BAIAP2L1: variants seen among roughly 807,000 people sequenced by gnomAD.
The protein encoded by BAIAP2L1 is BAR/IMD domain containing adaptor protein 2 like 1, also known as BAR/IMD domain-containing adapter protein 2-like 1.
BAIAP2L1 carries 35 observed loss-of-function variants against 66.3 expected under a neutral mutation model. The observed-to-expected ratio is 0.53, with a 90% CI of 0.40 to 0.70. The LOEUF (loss-of-function observed/expected upper bound fraction) is 0.70, where lower values mean the gene tolerates loss of function less well. Among genes scored for constraint, BAIAP2L1 ranks in the 30% least tolerant of loss-of-function variants. The pLI, the probability that BAIAP2L1 is intolerant of heterozygous loss-of-function variation, is 0.00. For synonymous variants in BAIAP2L1, 269 were observed against 248.7 expected (o/e 1.08, Z -0.77); for missense variants, 622 against 656.9 (o/e 0.95, Z 0.58).
intron 1 of BAIAP2L1, among the ~76,000 whole-genome samples, chr7:98,394,242 A>AAAACAAACAAACAAACAAACAAAC (rs58526170): frequency 8.0e-5 from 12 of 150,554 alleles, no homozygotes; most frequent in East Asian, 4.0e-4. Context: ...CTCCGTCTCA[A>AAAACAAACAAACAAACAAACAAAC]AAACAAACAA....
chr7:98,296,494 G>A (rs986513542), intron 12 of BAIAP2L1, among the ~76,000 whole-genome samples: 2 of 152,068 alleles, frequency 1.3e-5, no homozygotes, highest in Non-Finnish European at 2.9e-5. Flanking sequence ...GTGTGGTGGC[G>A]CACGCCGGTA....
intron 3 of BAIAP2L1, among the ~76,000 whole-genome samples, chr7:98,327,345 A>G (rs1411629764): frequency 6.7e-6 from 1 of 148,430 alleles, no homozygotes; most frequent in Non-Finnish European, 1.5e-5. Context: ...TAGGCAACAG[A>G]GCAAGACCTT....
intron 3 of BAIAP2L1, among the ~76,000 whole-genome samples, chr7:98,342,638 G>A (rs1801771170): frequency 1.3e-5 from 2 of 152,106 alleles, no homozygotes; most frequent in South Asian, 4.2e-4. Flanking sequence ...TTACATAATG[G>A]TGAGCTCTAA....
At chr7:98,386,264 T>C in intron 1 of BAIAP2L1, 1 of 1,593,458 alleles carries the variant, frequency 6.3e-7, no homozygotes, top group Non-Finnish European at 8.5e-7. Context: ...GAACACATTT[T>C]GTCACGGGTA....
chr7:98,294,048 A>C, intron 13 of BAIAP2L1, 26 bp downstream of exon 13: 1 of 1,612,158 alleles, frequency 6.2e-7, no homozygotes. Context: ...TCACACACTG[A>C]GGCTCACGTA....
chr7:98,309,540 CTG>C (rs1800795142), intron 9 of BAIAP2L1: 1 of 152,200 alleles, frequency 6.6e-6, no homozygotes, highest in Non-Finnish European at 1.5e-5. Context: ...CATACTTTAA[CTG>C]TGTATTTTAG....
In BAIAP2L1 at chr7:98,333,066, C is replaced by T. The variant is rs188324439; in HGVS notation, c.215-12768G>A. Among the ~76,000 whole-genome samples, 34 of 152,230 alleles carry T rather than the reference C, an allele frequency of 2.2e-4. No individual in the cohort carries two copies. In the East Asian group the frequency reaches 6.6e-3, roughly 29 times the overall value. Reference sequence around the variant, plus strand: ...CCAGCTCCCACTAGAATGTTCTCCCCAGACACCTGCCTGATGAGTTCCCCG... The same window carrying T: ...CCAGCTCCCACTAGAATGTTCTCCCTAGACACCTGCCTGATGAGTTCCCCG... On this transcript the variant is annotated intron_variant, in intron 3 of 13. Transcript: ENST00000005260.
At chr7:98,343,066 G>A (rs34370018) in intron 3 of BAIAP2L1, among the ~76,000 whole-genome samples, 33 of 151,788 alleles carry the variant, frequency 2.2e-4, no homozygotes, top group Non-Finnish European at 3.7e-4. Context: ...CTGTTGAGTG[G>A]CATGAATTTG....
chr7:98,398,416 A>G (rs1248238126), intron 1 of BAIAP2L1, among the ~76,000 whole-genome samples: 1 of 151,776 alleles, frequency 6.6e-6, no homozygotes, highest in East Asian at 1.9e-4. Context: ...AGCCTTCACT[A>G]TTTCATAGAT....
intron 2 of BAIAP2L1, 55 bp from the exon 3 acceptor site, chr7:98,355,183 C>T (rs2115693872): frequency 7.7e-7 from 1 of 1,295,206 alleles, no homozygotes; most frequent in Non-Finnish European, 1.1e-6. Flanking sequence ...AAGGAGGAAG[C>T]AACACAAGTT....
At chr7:98,379,852 A>C (rs1274901931) in intron 1 of BAIAP2L1, among the ~76,000 whole-genome samples, 1 of 152,228 alleles carries the variant, frequency 6.6e-6, no homozygotes, top group African/African-American at 2.4e-5. Flanking sequence ...AAGTACAGAA[A>C]AGACAAATCT....
rs1430950058 is a variant in BAIAP2L1, at chr7:98,293,655, AAC to A, written c.1461-61_1461-60del. 2.0e-6 allele frequency: 3 copies of A among 1,523,936 alleles called. No individual in the cohort carries two copies. The African/African-American group carries it at 4.1e-5, about 21-fold the overall frequency. The allele number at this position is 1,523,936 out of a possible 1,614,324, so 94.4% of individuals were successfully genotyped here. A position where few individuals can be genotyped will look rare whatever the true frequency, so the allele number is the denominator to read the frequency against. On this transcript the variant is annotated intron_variant, in intron 13 of 13. Coordinates refer to ENST00000005260, the MANE Select transcript of BAIAP2L1 (RefSeq NM_018842.5). ...TGCTCTACGAGGGAAACTGGATTTT[AAC>A]AGTGCTAATAACCCGTTCTTGCCCT... is the stretch of plus-strand genomic sequence containing the variant.
intron 3 of BAIAP2L1, among the ~76,000 whole-genome samples, chr7:98,342,915 C>T (rs1801777295): frequency 6.6e-6 from 1 of 151,924 alleles, no homozygotes; most frequent in South Asian, 2.1e-4. Context: ...TTTAAATGGG[C>T]ACTGCTGGGT....
intron 1 of BAIAP2L1, among the ~76,000 whole-genome samples, chr7:98,387,669 G>A (rs1039326430): frequency 2.6e-5 from 4 of 151,478 alleles, no homozygotes; most frequent in African/African-American, 9.7e-5. Context: ...AGACCAGCCT[G>A]GCCAACAAAG....
At chr7:98,386,381 T>C in intron 1 of BAIAP2L1, 1 of 1,594,482 alleles carries the variant, frequency 6.3e-7, no homozygotes, top group Non-Finnish European at 8.5e-7. Context: ...CAAGACTCAC[T>C]TCAAACACAC....
At chr7:98,345,305 C>T (rs36017146) in intron 3 of BAIAP2L1, among the ~76,000 whole-genome samples, 56,758 of 152,030 alleles carry the variant, frequency 0.37, 12,259 homozygotes, top group Middle Eastern at 0.54. Context: ...CTTCAAGCAA[C>T]GGAACTGCTT....
chr7:98,307,784 C>G lies in BAIAP2L1; in HGVS notation c.1068G>C (p.Lys356Asn). Reference protein sequence around the residue: ...TIFPHTAGSNKTLLSFAQGDV... With the variant: ...TIFPHTAGSNNTLLSFAQGDV... ...CTCCCTGTGCAAAGCTGAGTAAGGT[C>G]TTGTTGGAGCCCGCAGTGTGCGGGA... is the stretch of plus-strand genomic sequence containing the variant. The change falls in exon 10 of 14, where the codon AAG becomes AAC. Residue 356 changes from lysine (K) to asparagine (N), a missense_variant. Coordinates refer to ENST00000005260, the MANE Select transcript of BAIAP2L1 (RefSeq NM_018842.5). 1.9e-6 allele frequency: 3 copies of G among 1,614,258 alleles called. No homozygotes were observed. Among genetic ancestry groups the G allele is most frequent in the Non-Finnish European group, 2.5e-6 (3 of 1,180,052 alleles).
At chr7:98,357,351 G>A (rs918161647) in intron 2 of BAIAP2L1, among the ~76,000 whole-genome samples, 2 of 150,248 alleles carry the variant, frequency 1.3e-5, no homozygotes, top group Non-Finnish European at 3.0e-5. Flanking sequence ...GGAGGATCAC[G>A]AGGTCAAGAG....
At chr7:98,301,065 A>G (rs1188670835) in intron 12 of BAIAP2L1, among the ~76,000 whole-genome samples, 1 of 152,138 alleles carries the variant, frequency 6.6e-6, no homozygotes, top group Non-Finnish European at 1.5e-5. Context: ...GCCGCCCAGT[A>G]GAGGCCGGCT....
Sources: allele counts gnomAD v4.1 joint callset (sites outside exome capture counted in the v4.1 genomes callset), GRCh38; gene constraint gnomAD v4.1.1; transcripts MANE v1.5; gene names NCBI Gene and HGNC (gene_info 2026-07-23, HGNC 2026-07-21).